The following NLK variants were observed in gnomAD, a reference collection of about 807,000 sequenced individuals.
NLK encodes the protein serine/threonine-protein kinase NLK.
A neutral mutation model predicts 59.0 loss-of-function variants in NLK; 11 were observed. That is an observed-to-expected ratio of 0.19 (90% CI 0.12 to 0.31). The LOEUF is 0.31. NLK is among the 10% of genes least tolerant of loss of function. The pLI is 1.00. For missense variants in NLK, 410 were observed against 661.1 expected (o/e 0.62, Z 4.16); for synonymous variants, 235 against 235.9 (o/e 1.00, Z 0.03).
chr17:28,161,250 T>A lies in NLK; in HGVS notation c.735T>A (p.Leu245=). The change falls in exon 4 of 11, where the codon CTT becomes CTA. Residue 245 remains leucine (L), a synonymous_variant. Transcript: ENST00000407008. The part of the protein sequence containing the change: ...PLSSDHVKVF[L]YQILRGLKYL... ...GCTCAGATCATGTCAAAGTTTTTCT[T>A]TATCAGATTTTGCGAGGTAAGATTT... 3 of 1,605,286 alleles carry A rather than the reference T, an allele frequency of 1.9e-6. No homozygotes were observed. In the South Asian group the frequency reaches 3.3e-5, roughly 18 times the overall value.
Position 28,188,027 on chromosome 17 carries a change from G to A in NLK, c.1236+2762G>A, listed in dbSNP as rs184438832. Among the ~76,000 whole-genome samples the A allele has an allele frequency of 9.1e-4, 138 of 152,148 alleles. 1 individual carries two copies. Among genetic ancestry groups the A allele is most frequent in the African/African-American group, 3.2e-3 (133 of 41,516 alleles). On this transcript the variant is annotated intron_variant, in intron 8 of 10. Transcript: ENST00000407008. ...CTTAAGACCAGCCTGGGCAACTTAGGGATTACAAAATTAAAAATTTTTTAA... is the reference window on the plus strand; with the variant it reads ...CTTAAGACCAGCCTGGGCAACTTAGAGATTACAAAATTAAAAATTTTTTAA...
chr17:28,136,655 A>G (rs1567724220), intron 3 of NLK, among the ~76,000 whole-genome samples: 1 of 152,098 alleles, frequency 6.6e-6, no homozygotes, highest in Non-Finnish European at 1.5e-5. Context: ...CCAGGCTGGA[A>G]TACAATGGCA....
At chr17:28,172,420 C>T (rs1438213449) in intron 6 of NLK, 97 bp from the exon 7 acceptor site, 2 of 634,174 alleles carry the variant, frequency 3.2e-6, no homozygotes, top group Non-Finnish European at 4.7e-6. Context: ...AGGTTTTTTC[C>T]CCCAGATTTG....
downstream of NLK, among the ~76,000 whole-genome samples, chr17:28,197,709 CAT>C (rs1421339702): frequency 6.6e-6 from 1 of 151,756 alleles, no homozygotes; most frequent in African/African-American, 2.4e-5. Flanking sequence ...TACGATGACT[CAT>C]AAGGCTTAGA....
chr17:28,140,478 G>A (rs1340473649), intron 3 of NLK, among the ~76,000 whole-genome samples: 1 of 152,142 alleles, frequency 6.6e-6, no homozygotes, highest in Non-Finnish European at 1.5e-5. Flanking sequence ...GGACCTGACT[G>A]TTGGAGCTGA....
intron 1 of NLK, among the ~76,000 whole-genome samples, chr17:28,090,543 C>T (rs1191939239): frequency 6.6e-6 from 1 of 151,768 alleles, no homozygotes; most frequent in Non-Finnish European, 1.5e-5. Flanking sequence ...CTGAAAAAGT[C>T]TTTATAGCAT....
intron 4 of NLK, among the ~76,000 whole-genome samples, chr17:28,161,603 G>A (rs887223633): frequency 1.3e-5 from 2 of 152,160 alleles, no homozygotes; most frequent in African/African-American, 2.4e-5. Context: ...GGCATCAGAC[G>A]ACTAAAGTGA....
chr17:28,064,242 AATCTTCCC>A (rs1909757439), intron 1 of NLK, among the ~76,000 whole-genome samples: 1 of 139,630 alleles, frequency 7.2e-6, no homozygotes, highest in Non-Finnish European at 1.5e-5. Context: ...GGACTCAAGT[AATCTTCCC>A]ATCTTGGTCT....
intron 1 of NLK, among the ~76,000 whole-genome samples, chr17:28,118,630 G>A (rs2142813755): frequency 1.3e-5 from 2 of 152,180 alleles, no homozygotes; most frequent in South Asian, 2.1e-4. Context: ...CGTTTTCTGG[G>A]ATTAAGAAAA....
intron 8 of NLK, among the ~76,000 whole-genome samples, chr17:28,190,658 AT>A (rs1441628202): frequency 2.0e-5 from 3 of 152,136 alleles, no homozygotes; most frequent in Admixed American, 2.0e-4. Flanking sequence ...TATTTAGAAA[AT>A]ATAGCCTGTT....
chr17:28,179,872 G>GTTGTT (rs1908831665), intron 7 of NLK, among the ~76,000 whole-genome samples: 1 of 79,412 alleles, frequency 1.3e-5, no homozygotes, highest in Non-Finnish European at 2.4e-5. Context: ...AGCATTCTTG[G>GTTGTT]TTTTTTTTTT....
rs1482581218 is a variant in NLK, at chr17:28,042,879, T to C, written c.6T>C (p.Ser2=). ...TCAAAGGGCATTTATTTTGAATGTC[T>C]CTTTGTGGCGCAAGAGCCAACGCAA... M[S]LCGARANAKM... Residue 2 remains serine (S), a synonymous_variant, in exon 1 of 11, where the codon TCT becomes TCC. Transcript: ENST00000407008. 6.7e-7 allele frequency: 1 copy of C among 1,501,226 alleles called. No individual in the cohort carries two copies. The highest frequency in any genetic ancestry group is 9.0e-7 in the Non-Finnish European group (1 of 1,117,196). The allele number at this position is 1,501,226 out of a possible 1,614,324, so 93.0% of individuals were successfully genotyped here. A position where few individuals can be genotyped will look rare whatever the true frequency, so the allele number is the denominator to read the frequency against.
intron 1 of NLK, among the ~76,000 whole-genome samples, chr17:28,071,303 G>T (rs780552416): frequency 6.6e-6 from 1 of 152,176 alleles, no homozygotes; most frequent in African/African-American, 2.4e-5. Context: ...TATCATTACA[G>T]AATTAGCTTG....
intron 3 of NLK, among the ~76,000 whole-genome samples, chr17:28,136,434 T>G (rs1052416671): frequency 3.9e-5 from 6 of 152,208 alleles, no homozygotes; most frequent in African/African-American, 1.4e-4. Flanking sequence ...GCCACAGGAT[T>G]ATAAAGACTT....
chr17:28,089,172 T>C (rs1393390476), intron 1 of NLK, among the ~76,000 whole-genome samples: 1 of 152,188 alleles, frequency 6.6e-6, no homozygotes, highest in Non-Finnish European at 1.5e-5. Context: ...ATTGCCTCAG[T>C]CAAGATTCTG....
intron 1 of NLK, among the ~76,000 whole-genome samples, chr17:28,065,276 G>A (rs572521271): frequency 6.6e-6 from 1 of 152,134 alleles, no homozygotes; most frequent in Admixed American, 6.5e-5. Flanking sequence ...GGCAGTGTAG[G>A]CCTGATTAGG....
chr17:28,155,977 C>T (rs925993642), intron 3 of NLK, among the ~76,000 whole-genome samples: 2 of 152,188 alleles, frequency 1.3e-5, no homozygotes, highest in African/African-American at 4.8e-5. Flanking sequence ...TGTATGTACC[C>T]ATGCACATTA....
In NLK at chr17:28,043,106, CGGCTGCAGCT is replaced by C; in HGVS notation, c.235_244del (p.Ala79GlnfsTer4). On this transcript the variant is annotated frameshift_variant, in exon 1 of 11. Coordinates refer to ENST00000407008, the MANE Select transcript of NLK (RefSeq NM_016231.5). LOFTEE classifies it high-confidence loss of function. The stretch of plus-strand genomic sequence containing the variant: ...TCGGCAGCTGCGGCAGCCGCAGCAG[CGGCTGCAGCT>C]GCAGCCATGTTAAACCCTGGGCAAC... 6.3e-7 allele frequency: 1 copy of C among 1,587,682 alleles called. No homozygotes were observed.
chr17:28,149,239 T>C (rs533563871), intron 3 of NLK, among the ~76,000 whole-genome samples: 1 of 152,246 alleles, frequency 6.6e-6, no homozygotes, highest in South Asian at 2.1e-4. Context: ...ATTTTTAAAT[T>C]TTTTTGTAGA....
Sources: gnomAD v4.1 joint callset for allele counts (sites outside exome capture counted in the v4.1 genomes callset) on GRCh38, gnomAD v4.1.1 for gene constraint, MANE v1.5 for transcripts, NCBI Gene and HGNC (gene_info 2026-07-23, HGNC 2026-07-21) for gene names.